Variants in OTUD7A observed in about 807,000 individuals in gnomAD.
The protein encoded by OTUD7A is OTU deubiquitinase 7A, also known as OTU domain-containing protein 7A.
Under a neutral mutation model 65.7 loss-of-function variants are expected in OTUD7A, and 12 were observed. The ratio of observed to expected loss-of-function variants is 0.18; its 90% CI spans 0.12 to 0.30. The LOEUF is 0.30. Ranked by LOEUF, OTUD7A falls within the 10% of genes least tolerant of loss-of-function variation. OTUD7A has a pLI of 1.00. For missense variants in OTUD7A, 1,148 were observed against 1,304.8 expected (o/e 0.88, Z 1.85); for synonymous variants, 641 against 586.3 (o/e 1.09, Z -1.35).
At chr15:31,530,344 C>T (rs1420276606) in intron 6 of OTUD7A, among the ~76,000 whole-genome samples, 2 of 152,226 alleles carry the variant, frequency 1.3e-5, no homozygotes, top group Non-Finnish European at 2.9e-5. Flanking sequence ...TCCCTGCCTG[C>T]AATGCCCTCT....
chr15:31,727,871 T>C (rs1321599033), intron 1 of OTUD7A, among the ~76,000 whole-genome samples: 1 of 152,168 alleles, frequency 6.6e-6, no homozygotes, highest in East Asian at 1.9e-4. Context: ...GGCCTTTCTG[T>C]GGCTATCTGA....
chr15:31,492,192 T>A (rs1308806877), intron 10 of OTUD7A, among the ~76,000 whole-genome samples: 1 of 152,238 alleles, frequency 6.6e-6, no homozygotes, highest in Non-Finnish European at 1.5e-5. Context: ...AAATGTCTGA[T>A]AATAGCAAAG....
chr15:31,497,571 A>G (rs2041405487), intron 10 of OTUD7A, among the ~76,000 whole-genome samples: 1 of 152,278 alleles, frequency 6.6e-6, no homozygotes, highest in African/African-American at 2.4e-5. Flanking sequence ...ATTTTTAAGA[A>G]AAGAATAGCC....
At chr15:31,775,790 G>A (rs557756494) in intron 1 of OTUD7A, among the ~76,000 whole-genome samples, 2 of 152,298 alleles carry the variant, frequency 1.3e-5, no homozygotes, top group East Asian at 3.9e-4. Flanking sequence ...AGGGAAGAAT[G>A]TGAGTGTATC....
intron 1 of OTUD7A, among the ~76,000 whole-genome samples, chr15:31,838,987 C>A (rs1291545104): frequency 2.0e-5 from 3 of 152,192 alleles, no homozygotes; most frequent in Admixed American, 6.5e-5. Flanking sequence ...ACTGGAGGAC[C>A]CAGACAGATA....
At chr15:31,499,871 C>CCA (rs1271722057) in intron 10 of OTUD7A, among the ~76,000 whole-genome samples, 3 of 152,184 alleles carry the variant, frequency 2.0e-5, no homozygotes, top group Admixed American at 6.5e-5. Context: ...GTGAAACCAC[C>CCA]CACAACTCTG....
At chr15:31,664,617 C>T (rs1211150224) in intron 1 of OTUD7A, among the ~76,000 whole-genome samples, 1 of 152,140 alleles carries the variant, frequency 6.6e-6, no homozygotes, top group Admixed American at 6.5e-5. Context: ...TATCTGTTTA[C>T]TCTGCTGGCT....
At chr15:31,570,268 G>A in intron 3 of OTUD7A, 71 bp from the exon 4 acceptor site, 1 of 1,504,480 alleles carries the variant, frequency 6.6e-7, no homozygotes, top group South Asian at 1.2e-5. Context: ...GAGAAGAACT[G>A]TGACAAGAAG....
chr15:31,507,906 G>A (rs1247668176), intron 8 of OTUD7A, among the ~76,000 whole-genome samples: 1 of 152,170 alleles, frequency 6.6e-6, no homozygotes, highest in Non-Finnish European at 1.5e-5. Context: ...CCTCTCAGTA[G>A]GAGCAGAAAA....
chr15:31,568,888 G>T (rs1416409697), intron 4 of OTUD7A, among the ~76,000 whole-genome samples: 1 of 152,206 alleles, frequency 6.6e-6, no homozygotes. Context: ...CTGCATGATT[G>T]TAAGCTTCCT....
chr15:31,791,787 T>C (rs909971589), intron 1 of OTUD7A, among the ~76,000 whole-genome samples: 1 of 152,008 alleles, frequency 6.6e-6, no homozygotes, highest in African/African-American at 2.4e-5. Context: ...CACCCCACCC[T>C]CTCCTGGTCC....
rs1179128110 is a variant in OTUD7A at position 31,540,856 on chromosome 15, TG to T, written c.551-10049del. Reference sequence around the variant, plus strand: ...CATTCATGCAAGAAAGACTATGAACTGCAAATAAAGGGAAGCTTTTGCACAC... The same window carrying T: ...CATTCATGCAAGAAAGACTATGAACTCAAATAAAGGGAAGCTTTTGCACAC... On this transcript the variant is annotated intron_variant, in intron 5 of 12. Transcript: ENST00000307050. Among the ~76,000 whole-genome samples the T allele has an allele frequency of 1.1e-4, 17 of 152,184 alleles. 1 individual carries two copies. Among genetic ancestry groups the T allele is most frequent in the Admixed American group, 1.1e-3 (17 of 15,276 alleles).
chr15:31,655,759 T>TA (rs1440399070), intron 2 of OTUD7A, among the ~76,000 whole-genome samples: 1 of 152,224 alleles, frequency 6.6e-6, no homozygotes, highest in Non-Finnish European at 1.5e-5. Context: ...CTCCTGAACT[T>TA]ACATTTTATT....
chr15:31,494,237 G>T (rs921529013), intron 10 of OTUD7A, among the ~76,000 whole-genome samples: 2 of 152,216 alleles, frequency 1.3e-5, no homozygotes, highest in Non-Finnish European at 2.9e-5. Flanking sequence ...TGGTCTTTGG[G>T]AGGTGATTAA....
chr15:31,524,140 G>T lies in OTUD7A; in HGVS notation c.893+2209C>A, dbSNP rs955236771. Among the ~76,000 whole-genome samples the T allele has an allele frequency of 3.2e-3, 470 of 147,254 alleles. 3 individuals carry two copies. Among genetic ancestry groups the T allele is most frequent in the African/African-American group, 0.011 (432 of 40,414 alleles). On this transcript the variant is annotated intron_variant, in intron 8 of 12. Coordinates refer to ENST00000307050, the MANE Select transcript of OTUD7A (RefSeq NM_001382637.1). ...TGCTCTGTCCTCTTCTGAGTTTTTT[G>T]TTTTTTTTTTTCCCTTTTTCTTTCT...
At chr15:31,585,778 G>A (rs1207332375) in intron 3 of OTUD7A, among the ~76,000 whole-genome samples, 1 of 152,136 alleles carries the variant, frequency 6.6e-6, no homozygotes, top group East Asian at 1.9e-4. Context: ...GTACATAGGT[G>A]TCTACAGACC....
chr15:31,585,531 C>A (rs376607268), intron 3 of OTUD7A, among the ~76,000 whole-genome samples: 2 of 152,320 alleles, frequency 1.3e-5, no homozygotes, highest in East Asian at 3.9e-4. Flanking sequence ...GCTGTGACAG[C>A]ACAGTGCGTC....
At chr15:31,767,537 A>G in intron 1 of OTUD7A, 1 of 773,690 alleles carries the variant, frequency 1.3e-6, no homozygotes, top group South Asian at 1.3e-5. Flanking sequence ...GTTTACTTGT[A>G]TTGGCCCCAT....
At chr15:31,501,419 G>A (rs2041463064) in intron 10 of OTUD7A, among the ~76,000 whole-genome samples, 1 of 152,138 alleles carries the variant, frequency 6.6e-6, no homozygotes, top group African/African-American at 2.4e-5. Context: ...ATGTATACAT[G>A]TGAAAGGGAA....
Sources: gnomAD v4.1 joint callset for allele counts (sites outside exome capture counted in the v4.1 genomes callset) on GRCh38, gnomAD v4.1.1 for gene constraint, MANE v1.5 for transcripts, NCBI Gene and HGNC (gene_info 2026-07-23, HGNC 2026-07-21) for gene names.